MMP24: variants seen among roughly 807,000 people sequenced by gnomAD.
MMP24 encodes the protein matrix metalloproteinase-24.
MMP24 carries 25 observed loss-of-function variants against 62.8 expected under a neutral mutation model. The ratio of observed to expected loss-of-function variants is 0.40; its 90% CI spans 0.29 to 0.56. The LOEUF (loss-of-function observed/expected upper bound fraction) is 0.56. Ranked by LOEUF, MMP24 falls within the 20% of genes least tolerant of loss-of-function variation. The pLI, the probability that MMP24 is intolerant of heterozygous loss-of-function variation, is 0.50. For missense variants in MMP24, 634 were observed against 853.6 expected, an observed-to-expected ratio of 0.74 and a Z score of 3.21; for synonymous variants, 319 against 350.5, an observed-to-expected ratio of 0.91 and a Z score of 1.00.
In MMP24 at chr20:35,252,029, G is replaced by A. The variant is rs373063074; in HGVS notation, c.512+8G>A. The A allele has an allele frequency of 1.2e-5, 19 of 1,599,200 alleles. No homozygotes were observed. The Admixed American group carries it at 3.0e-4, about 25-fold the overall frequency. ...AAAACACATCACCTACAGGTGCTTC[G>A]ACTCTCCCTCTTCCTCCCTGCCTTT... On this transcript the variant is annotated splice_region_variant and intron_variant, in intron 3 of 8. Coordinates refer to ENST00000246186, the MANE Select transcript of MMP24 (RefSeq NM_006690.4).
chr20:35,244,065 A>C (rs1029458272), intron 1 of MMP24, among the ~76,000 whole-genome samples: 4 of 152,262 alleles, frequency 2.6e-5, no homozygotes, highest in Non-Finnish European at 5.9e-5. Context: ...CCTTTGGTGA[A>C]GCAAATAATA....
intron 3 of MMP24, 124 bp downstream of exon 3, chr20:35,252,145 G>A (rs1213417412): frequency 2.0e-5 from 15 of 755,728 alleles, no homozygotes; most frequent in Non-Finnish European, 3.1e-5. Flanking sequence ...CATAGGCCAA[G>A]AGCCAGGCAT....
At chr20:35,237,694 G>T (rs2060470539) in intron 1 of MMP24, among the ~76,000 whole-genome samples, 1 of 152,182 alleles carries the variant, frequency 6.6e-6, no homozygotes, top group Non-Finnish European at 1.5e-5. Flanking sequence ...AGAGGAGTTA[G>T]GTCATTTGCC....
chr20:35,265,823 G>A (rs1184166807), intron 5 of MMP24, among the ~76,000 whole-genome samples: 1 of 152,004 alleles, frequency 6.6e-6, no homozygotes, highest in Non-Finnish European at 1.5e-5. Flanking sequence ...GCCATATGTG[G>A]CTGTGGCTAG....
chr20:35,236,973 C>CAAAAAAAAAAAAAAAAAAAAAAAAAAA (rs10710875), intron 1 of MMP24, among the ~76,000 whole-genome samples: 2 of 76,494 alleles, frequency 2.6e-5, no homozygotes, highest in African/African-American at 4.3e-5. Context: ...GACACCATCT[C>CAAAAAAAAAAAAAAAAAAAAAAAAAAA]AAAAAAAAAA....
At chr20:35,248,297 T>TCC (rs930469987) in intron 2 of MMP24, among the ~76,000 whole-genome samples, 7 of 134,622 alleles carry the variant, frequency 5.2e-5, no homozygotes, top group East Asian at 4.1e-4. Flanking sequence ...AATTCTAGAT[T>TCC]CCCCCCCCCT....
At chr20:35,227,086 G>A (rs1487802833) in intron 1 of MMP24, 102 bp downstream of exon 1, 1 of 925,668 alleles carries the variant, frequency 1.1e-6, no homozygotes, top group Non-Finnish European at 1.3e-6. Flanking sequence ...CTACTGCCGA[G>A]GTCGCGGAGG....
chr20:35,240,142 C>T (rs982823357), intron 1 of MMP24, among the ~76,000 whole-genome samples: 3 of 152,186 alleles, frequency 2.0e-5, no homozygotes, highest in Non-Finnish European at 4.4e-5. Flanking sequence ...CCCATTGCCA[C>T]TTCTAACCTC....
intron 5 of MMP24, 59 bp downstream of exon 5, chr20:35,264,011 C>T: frequency 1.3e-6 from 2 of 1,508,042 alleles, no homozygotes; most frequent in Non-Finnish European, 1.8e-6. Flanking sequence ...TGACTGCCTA[C>T]CTGTCATGGG....
In MMP24 at chr20:35,247,000, A is replaced by T. The variant is rs1413762964; in HGVS notation, c.395+12A>T. 6.2e-7 allele frequency: 1 copy of T among 1,613,960 alleles called. No homozygotes were observed. Among genetic ancestry groups the T allele is most frequent in the African/African-American group, 1.3e-5 (1 of 75,056 alleles). ...CAGACAACGATCGAGTAAGATTTCC[A>T]TAGGACATTGTGCCTTTGAACTTTC... On this transcript the variant is annotated intron_variant, in intron 2 of 8. Coordinates refer to ENST00000246186, the MANE Select transcript of MMP24 (RefSeq NM_006690.4).
chr20:35,272,365 A>C (rs770573697), intron 8 of MMP24, among the ~76,000 whole-genome samples: 11 of 152,026 alleles, frequency 7.2e-5, no homozygotes, highest in Non-Finnish European at 1.5e-4. Context: ...CAGCCTCCCG[A>C]GTAGTTGGGA....
intron 5 of MMP24, among the ~76,000 whole-genome samples, chr20:35,266,735 T>C (rs562515103): frequency 6.6e-6 from 1 of 152,294 alleles, no homozygotes; most frequent in South Asian, 2.1e-4. Context: ...CTCTGAGCCC[T>C]CATCTGCATT....
At chr20:35,234,266 A>G (rs2146200777) in intron 1 of MMP24, among the ~76,000 whole-genome samples, 1 of 152,260 alleles carries the variant, frequency 6.6e-6, no homozygotes, top group East Asian at 1.9e-4. Context: ...GCCATCCCTG[A>G]TATCACAGCC....
chr20:35,266,413 T>C (rs2060636044), intron 5 of MMP24, among the ~76,000 whole-genome samples: 1 of 150,982 alleles, frequency 6.6e-6, no homozygotes, highest in Non-Finnish European at 1.5e-5. Flanking sequence ...AACATCCAGT[T>C]TGAAAAGCTC....
In MMP24 at chr20:35,267,437, G is replaced by C; in HGVS notation, c.1194+18G>C. The C allele has an allele frequency of 6.5e-7, 1 of 1,547,738 alleles. No individual in the cohort carries two copies. The highest frequency in any genetic ancestry group is 1.2e-5 in the South Asian group (1 of 84,002). Reference sequence around the variant, plus strand: ...TCTTTAAGGTAGGGCCAATGGATTGGCACCACCCAGCTGGCCCCTGACCTT... The same window carrying C: ...TCTTTAAGGTAGGGCCAATGGATTGCCACCACCCAGCTGGCCCCTGACCTT... On this transcript the variant is annotated intron_variant, in intron 6 of 8. Coordinates refer to ENST00000246186, the MANE Select transcript of MMP24 (RefSeq NM_006690.4).
At chr20:35,258,953 G>GC (rs2060588791) in intron 4 of MMP24, among the ~76,000 whole-genome samples, 2 of 152,138 alleles carry the variant, frequency 1.3e-5, no homozygotes, top group South Asian at 4.1e-4. Flanking sequence ...GCCGAGGGGG[G>GC]GCAGATCACC....
chr20:35,258,157 A>G (rs777955608), intron 4 of MMP24, among the ~76,000 whole-genome samples: 2 of 152,158 alleles, frequency 1.3e-5, no homozygotes, highest in Non-Finnish European at 2.9e-5. Flanking sequence ...ATTCCTATTT[A>G]TCTACCTTTT....
intron 5 of MMP24, among the ~76,000 whole-genome samples, chr20:35,265,632 G>A (rs1369962385): frequency 4.6e-5 from 7 of 151,338 alleles, no homozygotes; most frequent in Non-Finnish European, 1.0e-4. Context: ...TAATCCTAGC[G>A]CTTTGGGAGG....
chr20:35,237,456 C>A (rs573531470), intron 1 of MMP24, among the ~76,000 whole-genome samples: 1 of 152,216 alleles, frequency 6.6e-6, no homozygotes, highest in Non-Finnish European at 1.5e-5. Flanking sequence ...TTTCATTAGA[C>A]CCACCTGGAT....
Sources: gnomAD v4.1 joint callset for allele counts (sites outside exome capture counted in the v4.1 genomes callset) on GRCh38, gnomAD v4.1.1 for gene constraint, MANE v1.5 for transcripts, NCBI Gene and HGNC (gene_info 2026-07-23, HGNC 2026-07-21) for gene names.